Variants in TRAIP observed in about 807,000 individuals in gnomAD.
The protein encoded by TRAIP is TRAF interacting protein.
In TRAIP, 37 loss-of-function variants were observed where a neutral mutation model predicts 65.0. The ratio of observed to expected loss-of-function variants is 0.57; its 90% CI spans 0.44 to 0.75. TRAIP has a LOEUF of 0.75. TRAIP is among the 30% of genes least tolerant of loss of function. The pLI, the probability that TRAIP is intolerant of heterozygous loss-of-function variation, is 0.00. For synonymous variants in TRAIP, 187 were observed against 219.1 expected (o/e 0.85, Z 1.29); for missense variants, 481 against 579.4 (o/e 0.83, Z 1.74).
At chr3:49,839,413 C>T (rs942161189) in intron 10 of TRAIP, among the ~76,000 whole-genome samples, 13 of 152,100 alleles carry the variant, frequency 8.5e-5, no homozygotes, top group Admixed American at 2.0e-4. Context: ...CTTTAAAGCA[C>T]GCACTCCTGG....
chr3:49,832,700 C>CGGGGGGGGGG (rs77955232), intron 10 of TRAIP, among the ~76,000 whole-genome samples: 3 of 6,092 alleles, frequency 4.9e-4, no homozygotes, highest in African/African-American at 6.6e-4. Context: ...TTTTATAACA[C>CGGGGGGGGGG]GGGGGGGGGG....
At chr3:49,856,207 G>A in intron 1 of TRAIP, 149 bp downstream of exon 1, 7 of 670,078 alleles carry the variant, frequency 1.0e-5, no homozygotes, top group Non-Finnish European at 1.8e-5. Context: ...CTTCTGCCCA[G>A]GTTGGGAAGC....
intron 6 of TRAIP, 40 bp from the exon 7 acceptor site, chr3:49,841,979 G>C (rs371752638): frequency 8.5e-6 from 13 of 1,529,054 alleles, no homozygotes; most frequent in Non-Finnish European, 1.2e-5. Context: ...GCAATCTGGA[G>C]GCTGATGGGT....
chr3:49,848,313 C>T, intron 1 of TRAIP, 113 bp from the exon 2 acceptor site: 1 of 1,140,858 alleles, frequency 8.8e-7, no homozygotes, highest in Non-Finnish European at 1.3e-6. Context: ...TGACCCAATG[C>T]CTGCCCAAAT....
At chr3:49,854,048 G>A (rs535467999) in intron 1 of TRAIP, among the ~76,000 whole-genome samples, 12 of 151,916 alleles carry the variant, frequency 7.9e-5, no homozygotes, top group East Asian at 1.9e-4. Context: ...ACAATTGGCC[G>A]GTCGTGGTGG....
chr3:49,849,758 A>G (rs2081915077), intron 1 of TRAIP, among the ~76,000 whole-genome samples: 1 of 151,988 alleles, frequency 6.6e-6, no homozygotes, highest in Non-Finnish European at 1.5e-5. Context: ...CCTAGGGACC[A>G]GGGAGAAACT....
intron 10 of TRAIP, among the ~76,000 whole-genome samples, chr3:49,835,246 A>T (rs1422164811): frequency 1.3e-5 from 2 of 152,204 alleles, no homozygotes; most frequent in Admixed American, 1.3e-4. Context: ...CAGCCCTAAA[A>T]AGGAAGAAAA....
intron 9 of TRAIP, 72 bp downstream of exon 9, chr3:49,840,212 G>C (rs534320382): frequency 3.8e-4 from 524 of 1,377,094 alleles, no homozygotes; most frequent in Middle Eastern, 9.0e-4. Context: ...CCTGGGCAGA[G>C]ATAGCCCAGC....
chr3:49,833,364 A>C (rs1393290663), intron 10 of TRAIP, among the ~76,000 whole-genome samples: 1 of 151,850 alleles, frequency 6.6e-6, no homozygotes, highest in Non-Finnish European at 1.5e-5. Flanking sequence ...ATTCACTTGC[A>C]CCTCCTGGTC....
chr3:49,849,624 CA>C (rs899811318), intron 1 of TRAIP, among the ~76,000 whole-genome samples: 14 of 145,684 alleles, frequency 9.6e-5, no homozygotes, highest in Non-Finnish European at 9.1e-5. Flanking sequence ...GACTCCATCT[CA>C]AAAAAAAAAG....
chr3:49,849,300 G>A (rs1003917997), intron 1 of TRAIP, among the ~76,000 whole-genome samples: 5 of 151,408 alleles, frequency 3.3e-5, no homozygotes, highest in Admixed American at 6.6e-5. Flanking sequence ...ATAAGCCACT[G>A]TGCCCAATCA....
chr3:49,844,491 A>T, intron 4 of TRAIP, 50 bp downstream of exon 4: 1 of 1,607,238 alleles, frequency 6.2e-7, no homozygotes, highest in Non-Finnish European at 8.5e-7. Flanking sequence ...CCCTTCCTCC[A>T]GCATCCAAGT....
chr3:49,852,773 G>T (rs976562802), intron 1 of TRAIP, among the ~76,000 whole-genome samples: 10 of 151,256 alleles, frequency 6.6e-5, no homozygotes, highest in African/African-American at 2.2e-4. Flanking sequence ...AAGAAAGAAA[G>T]AAAGAAATTG....
In TRAIP at chr3:49,829,986, A is replaced by G. The variant is rs201159226; in HGVS notation, c.1086+34T>C. 6.2e-6 allele frequency: 10 copies of G among 1,613,582 alleles called. No homozygotes were observed. The East Asian group carries it at 2.0e-4, about 32-fold the overall frequency. On this transcript the variant is annotated intron_variant, in intron 12 of 14. Transcript: ENST00000331456. ...CCTCCCAAAAGTCCAGTCCTGCCAA[A>G]GGTTAGACTGTGCTTCTTCTAGAAA...
rs527254328 is a variant in TRAIP, at chr3:49,833,502, C to T, written c.885-1434G>A. Among the ~76,000 whole-genome samples the T allele has an allele frequency of 1.9e-4, 28 of 147,490 alleles. No homozygotes were observed. In the South Asian group the frequency reaches 5.3e-3, roughly 28 times the overall value. ...CTGTTTCTTTTTTTTTTTTTTGAGA[C>T]GGAATCTTGCTCTGTCACCCAGGCT... On this transcript the variant is annotated intron_variant, in intron 10 of 14. Coordinates refer to ENST00000331456, the MANE Select transcript of TRAIP (RefSeq NM_005879.3).
chr3:49,847,647 TG>T, intron 2 of TRAIP, 39 bp from the exon 3 acceptor site: 4 of 1,471,358 alleles, frequency 2.7e-6, no homozygotes, highest in Non-Finnish European at 3.8e-6. Flanking sequence ...ATTGTGTAGC[TG>T]GGTCATGCGC....
rs936597365 is a variant in TRAIP at position 49,844,592 on chromosome 3, T to C, written c.241-12A>G. 3.7e-6 allele frequency: 6 copies of C among 1,613,974 alleles called. No homozygotes were observed. Among genetic ancestry groups the C allele is most frequent in the Non-Finnish European group, 5.1e-6 (6 of 1,179,986 alleles). On this transcript the variant is annotated splice_polypyrimidine_tract_variant and intron_variant, in intron 3 of 14. Coordinates refer to ENST00000331456, the MANE Select transcript of TRAIP (RefSeq NM_005879.3). Reference sequence around the variant, plus strand: ...TTGTCCAGTTCATTCTGAAAGGCAATACCCACAATAAGCAGCAGGAAAGCA... The same window carrying C: ...TTGTCCAGTTCATTCTGAAAGGCAACACCCACAATAAGCAGCAGGAAAGCA...
rs992654804 is a variant in TRAIP, at chr3:49,856,444, G to A, written c.10C>T (p.Arg4Cys). Residue 4 changes from arginine (R) to cysteine (C), a missense_variant, in exon 1 of 15, where the codon CGT (arginine) becomes TGT (cysteine). Transcript: ENST00000331456. MPI[R>C]ALCTICSDFF... ...TCGGAGCAGATAGTGCACAGAGCAC[G>A]GATAGGCATGATGGCTGGACTCAAG... 6.2e-7 allele frequency: 1 copy of A among 1,613,756 alleles called. No individual in the cohort carries two copies.
rs144112402 is a variant in TRAIP at position 49,829,169 on chromosome 3, C to A, written c.1344G>T (p.Gln448His). The change falls in exon 15 of 15, where the codon CAG becomes CAT. Residue 448 changes from glutamine to histidine, a missense_variant. By Grantham distance (24) the Gln-to-His change is conservative (BLOSUM62 0). Transcript: ENST00000331456. ...LPVKPKTKVK[Q>H]RVRVKTVPSL... ...AAGGCACTGTCTTCACCCTCACCCT[C>A]TGCTTAACCTTGGTCTTGGGCTTAA... is the stretch of plus-strand genomic sequence containing the variant. 7 of 1,614,154 alleles carry A rather than the reference C, an allele frequency of 4.3e-6. No individual in the cohort carries two copies. The African/African-American group carries it at 9.3e-5, about 22-fold the overall frequency.
Sources: allele counts gnomAD v4.1 joint callset (sites outside exome capture counted in the v4.1 genomes callset), GRCh38; gene constraint gnomAD v4.1.1; transcripts MANE v1.5; gene names NCBI Gene and HGNC (gene_info 2026-07-23, HGNC 2026-07-21).